Variants in PRKDC observed in about 807,000 individuals in gnomAD.
The protein encoded by PRKDC is DNA-dependent protein kinase catalytic subunit.
A neutral mutation model predicts 486.9 loss-of-function variants in PRKDC; 82 were observed. The observed-to-expected ratio is 0.17, with a 90% CI of 0.14 to 0.20. The LOEUF is 0.20. Ranked by LOEUF, PRKDC falls within the 10% of genes least tolerant of loss-of-function variation. The pLI, the probability that PRKDC is intolerant of heterozygous loss-of-function variation, is 1.00. For missense variants in PRKDC, 4,504 were observed against 5,038.2 expected, an observed-to-expected ratio of 0.89 and a Z score of 3.21; for synonymous variants, 1,895 against 1,837.0, an observed-to-expected ratio of 1.03 and a Z score of -0.81.
At chr8:47,793,096 C>A (rs919591166) in intron 74 of PRKDC, among the ~76,000 whole-genome samples, 1 of 152,192 alleles carries the variant, frequency 6.6e-6, no homozygotes, top group African/African-American at 2.4e-5. Flanking sequence ...GTTGCCAAGG[C>A]TGGTCATGAA....
rs183400705 is a variant in PRKDC at position 47,776,097 on chromosome 8, G to A, written c.12182+747C>T. ...CCTTGGCCTCCCAAAGTGTTGAGGC[G>A]TGAGCCACCACGCCCAGCTGATTTA... On this transcript the variant is annotated intron_variant, in intron 85 of 85. Coordinates refer to ENST00000314191, the MANE Select transcript of PRKDC (RefSeq NM_006904.7). Among the ~76,000 whole-genome samples the A allele has an allele frequency of 3.0e-3, 457 of 152,206 alleles. 3 individuals are homozygous for A. Among genetic ancestry groups the A allele is most frequent in the Middle Eastern group, 0.02 (6 of 294 alleles).
Position 47,864,760 on chromosome 8 carries a change from A to C in PRKDC, c.5367T>G (p.Gly1789=). The part of the protein sequence containing the change: ...QSSFRRIARR[G]SCVTQVGLLE... ...GAAGGCCTACTTGTGTGACACATGA[A>C]CCCCTAAGAAAACAAGATAAAATTA... The change falls in exon 41 of 86, where the codon GGT becomes GGG. Residue 1789 remains glycine, a synonymous_variant. Transcript: ENST00000314191. The C allele has an allele frequency of 6.4e-7, 1 of 1,573,702 alleles. No homozygotes were observed. The highest frequency in any genetic ancestry group is 1.8e-5 in the Admixed American group (1 of 54,330).
chr8:47,865,331 A>G (rs902409783), intron 40 of PRKDC, among the ~76,000 whole-genome samples: 1 of 151,768 alleles, frequency 6.6e-6, no homozygotes, highest in African/African-American at 2.4e-5. Flanking sequence ...GGGTGCAGTG[A>G]GCCGTCGCAC....
intron 27 of PRKDC, among the ~76,000 whole-genome samples, chr8:47,900,721 C>T (rs1021205369): frequency 6.6e-6 from 1 of 151,914 alleles, no homozygotes; most frequent in Non-Finnish European, 1.5e-5. Flanking sequence ...CGGTGGCAGG[C>T]GCCTGTAGCC....
chr8:47,892,331 C>G (rs754132118), intron 31 of PRKDC, among the ~76,000 whole-genome samples: 3 of 151,962 alleles, frequency 2.0e-5, no homozygotes, highest in Non-Finnish European at 4.4e-5. Flanking sequence ...AATAGTAACA[C>G]AGAAGAAAAT....
chr8:47,873,010 G>A (rs2088993297), intron 40 of PRKDC, among the ~76,000 whole-genome samples: 1 of 152,058 alleles, frequency 6.6e-6, no homozygotes, highest in East Asian at 1.9e-4. Flanking sequence ...TAGGCACATG[G>A]ATCATTCTCA....
At chr8:47,778,250 C>T (rs1042349802) in intron 83 of PRKDC, among the ~76,000 whole-genome samples, 1 of 152,198 alleles carries the variant, frequency 6.6e-6, no homozygotes, top group Non-Finnish European at 1.5e-5. Context: ...ATTACCGGCT[C>T]TGATGATATC....
intron 77 of PRKDC, chr8:47,784,075 G>T: frequency 5.3e-6 from 2 of 373,864 alleles, no homozygotes; most frequent in Non-Finnish European, 5.0e-6. Context: ...TGGCTTACAT[G>T]GTGAAGCCCC....
At chr8:47,793,368 G>A (rs1032010249) in intron 74 of PRKDC, among the ~76,000 whole-genome samples, 3 of 152,152 alleles carry the variant, frequency 2.0e-5, no homozygotes, top group African/African-American at 4.8e-5. Context: ...GGTGGCTCAC[G>A]CCTGTAATCC....
chr8:47,774,935 A>C (rs1451249454), intron 85 of PRKDC, among the ~76,000 whole-genome samples: 2 of 151,390 alleles, frequency 1.3e-5, no homozygotes, highest in Non-Finnish European at 3.0e-5. Flanking sequence ...CCCCATTTTA[A>C]AATTATAGTC....
At chr8:47,895,589 G>C (rs2089559565) in intron 30 of PRKDC, among the ~76,000 whole-genome samples, 1 of 152,086 alleles carries the variant, frequency 6.6e-6, no homozygotes, top group Non-Finnish European at 1.5e-5. Context: ...ATGCTATCAG[G>C]GTCTCGGTTT....
chr8:47,815,258 T>C (rs984253678), intron 68 of PRKDC, among the ~76,000 whole-genome samples: 3 of 152,160 alleles, frequency 2.0e-5, no homozygotes, highest in African/African-American at 2.4e-5. Flanking sequence ...AGGGCTACAA[T>C]AGAGCATCCA....
At chr8:47,926,360 T>A (rs78762687) in intron 21 of PRKDC, among the ~76,000 whole-genome samples, 1 of 152,172 alleles carries the variant, frequency 6.6e-6, no homozygotes, top group Non-Finnish European at 1.5e-5. Flanking sequence ...GTGCATGAAA[T>A]CTGTCACACA....
chr8:47,816,289 C>T (rs746140591), intron 68 of PRKDC, among the ~76,000 whole-genome samples: 24 of 152,062 alleles, frequency 1.6e-4, no homozygotes, highest in Non-Finnish European at 3.4e-4. Flanking sequence ...AGTATTCTGG[C>T]CAGAGACAGA....
chr8:47,873,034 T>C (rs117240396), intron 40 of PRKDC, among the ~76,000 whole-genome samples: 3,366 of 152,210 alleles, frequency 0.022, 52 homozygotes, highest in Non-Finnish European at 0.037. Flanking sequence ...ATAGAGCATA[T>C]GTTAGGCCAC....
In PRKDC at chr8:47,902,721, C is replaced by G; in HGVS notation, c.3117G>C (p.Trp1039Cys). 6.2e-7 allele frequency: 1 copy of G among 1,613,734 alleles called. No individual in the cohort carries two copies. Residue 1039 changes from tryptophan to cysteine, a missense_variant, in exon 27 of 86, where the codon TGG becomes TGC. By Grantham distance (215) the Trp-to-Cys change is radical. Transcript: ENST00000314191. ...CGRCIREFLK[W>C]SIKQITPQQQ... Reference sequence around the variant, plus strand: ...GCTGTGGTGTTATTTGCTTAATGGACCATTTAAGGAATTCTCGAATACACC... The same window carrying G: ...GCTGTGGTGTTATTTGCTTAATGGAGCATTTAAGGAATTCTCGAATACACC...
At chr8:47,904,276 A>T (rs2154502424) in intron 26 of PRKDC, among the ~76,000 whole-genome samples, 1 of 152,240 alleles carries the variant, frequency 6.6e-6, no homozygotes, top group Middle Eastern at 3.4e-3. Context: ...TGTTTTTGAG[A>T]CAGAGTCTCA....
intron 74 of PRKDC, among the ~76,000 whole-genome samples, chr8:47,793,342 G>C (rs750284439): frequency 6.6e-5 from 10 of 152,084 alleles, no homozygotes; most frequent in Non-Finnish European, 1.5e-4. Context: ...ACAGAAGCTG[G>C]GCCTCAGCTG....
At chr8:47,908,633 A>G (rs111943034) in intron 25 of PRKDC, among the ~76,000 whole-genome samples, 1 of 152,190 alleles carries the variant, frequency 6.6e-6, no homozygotes, top group Non-Finnish European at 1.5e-5. Flanking sequence ...TGCACATGTC[A>G]AGATGTGTTA....
Sources: allele counts gnomAD v4.1 joint callset (sites outside exome capture counted in the v4.1 genomes callset), GRCh38; gene constraint gnomAD v4.1.1; transcripts MANE v1.5; gene names NCBI Gene and HGNC (gene_info 2026-07-23, HGNC 2026-07-21).